Variants in HMGB1 observed in about 807,000 individuals in gnomAD.
HMGB1 encodes the protein high mobility group box 1, also known as high mobility group protein B1.
For missense variants in HMGB1, 79 were observed against 253.5 expected (o/e 0.31, Z 4.67); for synonymous variants, 81 against 84.0 (o/e 0.96, Z 0.19).
At chr13:30,532,064 C>T (rs777490800) in intron 1 of HMGB1, among the ~76,000 whole-genome samples, 9 of 150,136 alleles carry the variant, frequency 6.0e-5, no homozygotes, top group South Asian at 4.2e-4. Flanking sequence ...TCAGGCCAGG[C>T]GCAGTGGCTC....
At chr13:30,566,523 T>C (rs1403792981) in intron 1 of HMGB1, among the ~76,000 whole-genome samples, 1 of 152,244 alleles carries the variant, frequency 6.6e-6, no homozygotes, top group African/African-American at 2.4e-5. Context: ...AAATATTCTT[T>C]TGATTTTTTC....
In HMGB1 at chr13:30,463,685, A is replaced by C. The variant is rs1886501209; in HGVS notation, c.-5T>G. ...CTTAGGATCTCCTTTGCCCATGTTT[A>C]GTTATTTTTCTAAAAAATAAAATAA... On this transcript the variant is annotated 5_prime_UTR_variant, in exon 2 of 5. Transcript: ENST00000341423. 6.5e-7 allele frequency: 1 copy of C among 1,542,184 alleles called. No individual in the cohort carries two copies. Among genetic ancestry groups the C allele is most frequent in the Non-Finnish European group, 8.7e-7 (1 of 1,147,236 alleles).
At chr13:30,487,592 G>A (rs1887392430) in intron 1 of HMGB1, among the ~76,000 whole-genome samples, 1 of 152,094 alleles carries the variant, frequency 6.6e-6, no homozygotes, top group African/African-American at 2.4e-5. Flanking sequence ...CTTGTAAGAG[G>A]GAAGCAAGCT....
intron 1 of HMGB1, among the ~76,000 whole-genome samples, chr13:30,582,146 G>C (rs1230287573): frequency 6.6e-6 from 1 of 152,144 alleles, no homozygotes; most frequent in Non-Finnish European, 1.5e-5. Context: ...GGATGTTTCC[G>C]TGTGCCAGGA....
chr13:30,487,187 T>C (rs1051676890), intron 1 of HMGB1, among the ~76,000 whole-genome samples: 3 of 152,202 alleles, frequency 2.0e-5, no homozygotes, highest in Non-Finnish European at 4.4e-5. Flanking sequence ...ACTTTGTGGA[T>C]GGAAGTGGCT....
At chr13:30,606,092 T>G (rs573781364) in intron 1 of HMGB1, among the ~76,000 whole-genome samples, 1 of 152,236 alleles carries the variant, frequency 6.6e-6, no homozygotes, top group Non-Finnish European at 1.5e-5. Context: ...TTGTCATGTG[T>G]CTTTGGTCTC....
chr13:30,505,385 A>G (rs200450108), intron 1 of HMGB1, among the ~76,000 whole-genome samples: 94 of 151,750 alleles, frequency 6.2e-4, no homozygotes, highest in African/African-American at 1.1e-3. Context: ...TCACCGTGTT[A>G]GCCAGGATGG....
chr13:30,481,775 C>T (rs1168895710), intron 1 of HMGB1, among the ~76,000 whole-genome samples: 3 of 152,190 alleles, frequency 2.0e-5, no homozygotes, highest in Admixed American at 2.0e-4. Flanking sequence ...TCTTGGAAGG[C>T]CAGGAAGCTT....
chr13:30,476,035 T>C (rs7332676), intron 1 of HMGB1, among the ~76,000 whole-genome samples: 1,523 of 151,756 alleles, frequency 0.01, 18 homozygotes, highest in African/African-American at 0.033. Context: ...ATTCTTTTTA[T>C]AGGAAACACT....
chr13:30,592,202 A>G (rs1366428861), intron 1 of HMGB1, among the ~76,000 whole-genome samples: 2 of 152,072 alleles, frequency 1.3e-5, no homozygotes, highest in Non-Finnish European at 2.9e-5. Flanking sequence ...CCTATATTAC[A>G]TTCATGGATC....
chr13:30,522,906 G>A (rs2137476587), intron 1 of HMGB1, among the ~76,000 whole-genome samples: 1 of 152,180 alleles, frequency 6.6e-6, no homozygotes, highest in South Asian at 2.1e-4. Context: ...AGTAGACAGG[G>A]TTTCGCCATA....
At chr13:30,575,328 C>T (rs763071137) in intron 1 of HMGB1, among the ~76,000 whole-genome samples, 1 of 152,172 alleles carries the variant, frequency 6.6e-6, no homozygotes, top group African/African-American at 2.4e-5. Flanking sequence ...TGTACTGGCC[C>T]TATTGACTAC....
intron 1 of HMGB1, among the ~76,000 whole-genome samples, chr13:30,526,197 C>T (rs2137480396): frequency 6.6e-6 from 1 of 152,232 alleles, no homozygotes; most frequent in African/African-American, 2.4e-5. Context: ...GCTGGGATTA[C>T]AGGCATGCAC....
intron 1 of HMGB1, among the ~76,000 whole-genome samples, chr13:30,479,777 A>C (rs149650888): frequency 3.3e-4 from 50 of 152,380 alleles, no homozygotes; most frequent in African/African-American, 1.2e-3. Flanking sequence ...TAAAGAGCTC[A>C]GCCTACAGTG....
At chr13:30,534,694 C>T (rs930931993) in intron 1 of HMGB1, among the ~76,000 whole-genome samples, 26 of 150,250 alleles carry the variant, frequency 1.7e-4, no homozygotes, top group Non-Finnish European at 2.4e-4. Context: ...TCTCCTGCCT[C>T]AGCCTCCCGA....
rs1888229111 is a variant in HMGB1 at position 30,521,152 on chromosome 13, T to C, written c.-14-57458A>G. 2.0e-5 allele frequency among the ~76,000 whole-genome samples: 3 copies of C among 152,312 alleles called. No homozygotes were observed. In the South Asian group the frequency reaches 6.2e-4, roughly 32 times the overall value. ...TTTGCTGGAGTTCAGTTCCATTTGG[T>C]CATTTGCTGAAAACCCAGTATTATT... On this transcript the variant is annotated intron_variant, in intron 1 of 4. Coordinates refer to the HMGB1 transcript ENST00000405805.
rs944337551 is a variant in HMGB1, at chr13:30,457,189, A to G, written c.*4168T>C. 6.6e-6 allele frequency: 1 copy of G among 152,158 alleles called. No individual in the cohort carries two copies. The highest frequency in any genetic ancestry group is 2.4e-5 in the African/African-American group (1 of 41,414). The allele number at this position is 152,158 out of a possible 1,614,324, so 9.4% of individuals were successfully genotyped here. A position where few individuals can be genotyped will look rare whatever the true frequency, so the allele number is the denominator to read the frequency against. On this transcript the variant is annotated 3_prime_UTR_variant, in exon 5 of 5. Coordinates refer to ENST00000341423, the MANE Select transcript of HMGB1 (RefSeq NM_002128.7). The stretch of plus-strand genomic sequence containing the variant: ...TATTTCTAGTAGACAAGGCCTCACT[A>G]TGTTGCCCAGGCTAGTGTCAAACTC...
intron 1 of HMGB1, among the ~76,000 whole-genome samples, chr13:30,485,302 A>G (rs1188435246): frequency 6.6e-6 from 1 of 152,206 alleles, no homozygotes; most frequent in Non-Finnish European, 1.5e-5. Context: ...AAGTGCTGGG[A>G]TTACAGGTGT....
chr13:30,463,489 T>C (rs774815217), intron 2 of HMGB1, 42 bp downstream of exon 2: 1 of 1,582,802 alleles, frequency 6.3e-7, no homozygotes, highest in Non-Finnish European at 8.6e-7. Flanking sequence ...AATTGGAAAC[T>C]GTCTTTTAAT....
Sources: allele counts gnomAD v4.1 joint callset (sites outside exome capture counted in the v4.1 genomes callset), GRCh38; gene constraint gnomAD v4.1.1; transcripts MANE v1.5; gene names NCBI Gene and HGNC (gene_info 2026-07-23, HGNC 2026-07-21).